Variants in RPTOR observed in about 807,000 individuals in gnomAD.
RPTOR encodes regulatory-associated protein of mTOR.
A neutral mutation model predicts 169.9 loss-of-function variants in RPTOR; 21 were observed. The ratio of observed to expected loss-of-function variants is 0.12; its 90% CI spans 0.09 to 0.18. RPTOR has a LOEUF of 0.18. Ranked by LOEUF, RPTOR falls within the 10% of genes least tolerant of loss-of-function variation. RPTOR has a pLI of 1.00. For missense variants in RPTOR, 1,133 were observed against 1,855.9 expected (o/e 0.61, Z 7.16); for synonymous variants, 732 against 753.2 (o/e 0.97, Z 0.46).
intron 3 of RPTOR, among the ~76,000 whole-genome samples, chr17:80,648,879 G>C (rs1469021816): frequency 6.6e-6 from 1 of 152,126 alleles, no homozygotes; most frequent in Non-Finnish European, 1.5e-5. Context: ...TGTCCGTAGT[G>C]AACAAGTCTC....
At chr17:80,884,905 C>T (rs1250765188) in intron 16 of RPTOR, 103 bp from the exon 17 acceptor site, 7 of 1,423,768 alleles carry the variant, frequency 4.9e-6, no homozygotes, top group East Asian at 2.5e-5. Context: ...GTTGAGCAAG[C>T]GCCTGTGGGG....
intron 20 of RPTOR, among the ~76,000 whole-genome samples, chr17:80,895,352 G>A (rs1322567102): frequency 6.6e-6 from 1 of 152,126 alleles, no homozygotes; most frequent in Non-Finnish European, 1.5e-5. Context: ...GGCTTCCCCA[G>A]CTGCCCTCTG....
rs1411420048 is a variant in RPTOR, at chr17:80,966,121, C to T, written c.*1791C>T. Reference sequence around the variant, plus strand: ...GGTGGCTCCAGAGGGGTCAAGACCCCCCCCCGCCCCCGCTCCACCCTGGAG... The same window carrying T: ...GGTGGCTCCAGAGGGGTCAAGACCCTCCCCCGCCCCCGCTCCACCCTGGAG... On this transcript the variant is annotated 3_prime_UTR_variant, in exon 34 of 34. Coordinates refer to ENST00000306801, the MANE Select transcript of RPTOR (RefSeq NM_020761.3). The T allele has an allele frequency of 4.6e-6, 1 of 219,776 alleles. No individual in the cohort carries two copies. The highest frequency in any genetic ancestry group is 2.2e-5 in the African/African-American group (1 of 44,466). 13.6% of individuals were successfully genotyped at this position (219,776 alleles called of 1,614,324 possible).
At chr17:80,899,986 CTG>C (rs1266174614) in intron 20 of RPTOR, among the ~76,000 whole-genome samples, 1 of 152,178 alleles carries the variant, frequency 6.6e-6, no homozygotes, top group African/African-American at 2.4e-5. Flanking sequence ...AGTGCCCCCA[CTG>C]TGCATGCTGG....
At chr17:80,774,063 G>A in intron 6 of RPTOR, 1 of 985,416 alleles carries the variant, frequency 1.0e-6, no homozygotes, top group Non-Finnish European at 1.2e-6. Flanking sequence ...TTCGTTGAAA[G>A]AAGCACTGAT....
chr17:80,934,377 G>T (rs942657413), intron 24 of RPTOR, among the ~76,000 whole-genome samples: 2 of 147,430 alleles, frequency 1.4e-5, no homozygotes, highest in Non-Finnish European at 3.0e-5. Flanking sequence ...TGTTTTGTTT[G>T]AGATGGGGTC....
At chr17:80,698,082 G>A (rs903085256) in intron 3 of RPTOR, among the ~76,000 whole-genome samples, 8 of 118,740 alleles carry the variant, frequency 6.7e-5, no homozygotes, top group Admixed American at 5.4e-4. Flanking sequence ...TGGGTGCGGG[G>A]CAAGGTGGGG....
chr17:80,784,240 C>CA (rs11356208), intron 6 of RPTOR, among the ~76,000 whole-genome samples: 3 of 148,778 alleles, frequency 2.0e-5, no homozygotes, highest in South Asian at 2.1e-4. Context: ...AGGCATGAGC[C>CA]AAAAAAAAAA....
chr17:80,761,689 T>C (rs1342586892), intron 6 of RPTOR, among the ~76,000 whole-genome samples: 1 of 152,232 alleles, frequency 6.6e-6, no homozygotes, highest in Non-Finnish European at 1.5e-5. Flanking sequence ...GTTAACCATG[T>C]GTTCTCCAAG....
At chr17:80,815,166 G>T (rs1460883095) in intron 7 of RPTOR, among the ~76,000 whole-genome samples, 1 of 152,272 alleles carries the variant, frequency 6.6e-6, no homozygotes, top group Non-Finnish European at 1.5e-5. Flanking sequence ...ACACTAGGCA[G>T]TTAGGGGTGC....
At chr17:80,589,035 T>C (rs1486408011) in intron 1 of RPTOR, among the ~76,000 whole-genome samples, 2 of 152,210 alleles carry the variant, frequency 1.3e-5, no homozygotes, top group African/African-American at 2.4e-5. Context: ...GTTTTTTACA[T>C]TTAGGTCCCT....
intron 5 of RPTOR, among the ~76,000 whole-genome samples, chr17:80,750,506 C>T (rs570344977): frequency 2.0e-5 from 3 of 152,282 alleles, no homozygotes; most frequent in African/African-American, 7.2e-5. Flanking sequence ...TTCCACCAAG[C>T]GCAGGAGTCA....
chr17:80,716,154 T>C (rs901010335), intron 4 of RPTOR, among the ~76,000 whole-genome samples: 1 of 152,230 alleles, frequency 6.6e-6, no homozygotes, highest in Non-Finnish European at 1.5e-5. Context: ...CTGTTTTCCA[T>C]AGTGGCTGTA....
chr17:80,575,145 C>A (rs1289660930), intron 1 of RPTOR, among the ~76,000 whole-genome samples: 2 of 151,998 alleles, frequency 1.3e-5, no homozygotes, highest in South Asian at 2.1e-4. Flanking sequence ...TGCTTAATGG[C>A]ATTCAACAAG....
At chr17:80,902,838 T>C (rs1181831087) in intron 20 of RPTOR, among the ~76,000 whole-genome samples, 2 of 152,214 alleles carry the variant, frequency 1.3e-5, no homozygotes, top group East Asian at 1.9e-4. Flanking sequence ...TGCTGTGTGC[T>C]CCACCCGCCT....
chr17:80,807,643 T>C (rs12947077), intron 7 of RPTOR, among the ~76,000 whole-genome samples: 7 of 152,172 alleles, frequency 4.6e-5, no homozygotes, highest in Admixed American at 6.5e-5. Context: ...TGAGCCACTG[T>C]GCCCGGCCAA....
intron 9 of RPTOR, among the ~76,000 whole-genome samples, chr17:80,834,545 C>A (rs2067542612): frequency 6.6e-6 from 1 of 152,162 alleles, no homozygotes; most frequent in African/African-American, 2.4e-5. Flanking sequence ...CTGGGTCAGT[C>A]CCCGCCTCCC....
chr17:80,792,044 C>T (rs1027519861), intron 7 of RPTOR, among the ~76,000 whole-genome samples: 1 of 152,134 alleles, frequency 6.6e-6, no homozygotes, highest in African/African-American at 2.4e-5. Context: ...CTTCCAGTCC[C>T]ATTGGCCAAC....
intron 2 of RPTOR, among the ~76,000 whole-genome samples, chr17:80,627,836 A>T (rs974632575): frequency 1.2e-3 from 167 of 139,666 alleles, no homozygotes; most frequent in Non-Finnish European, 2.1e-3. Flanking sequence ...GTATGTTTAA[A>T]TTTTTTTTTT....
Sources: allele counts gnomAD v4.1 joint callset (sites outside exome capture counted in the v4.1 genomes callset), GRCh38; gene constraint gnomAD v4.1.1; transcripts MANE v1.5; gene names NCBI Gene and HGNC (gene_info 2026-07-23, HGNC 2026-07-21).